Variants in ZNF207 observed in about 807,000 individuals in gnomAD.
ZNF207 encodes the protein zinc finger protein 207, also known as BUB3-interacting and GLEBS motif-containing protein ZNF207.
ZNF207 carries 24 observed loss-of-function variants against 60.2 expected under a neutral mutation model. The ratio of observed to expected loss-of-function variants is 0.40; its 90% CI spans 0.29 to 0.56. The LOEUF is 0.56. ZNF207 is among the 20% of genes least tolerant of loss of function. The pLI, the probability that ZNF207 is intolerant of heterozygous loss-of-function variation, is 0.49. For synonymous variants in ZNF207, 236 were observed against 194.7 expected, an observed-to-expected ratio of 1.21 and a Z score of -1.77; for missense variants, 452 against 636.6, an observed-to-expected ratio of 0.71 and a Z score of 3.12.
chr17:32,354,220 A>AT (rs1470675887), intron 2 of ZNF207, among the ~76,000 whole-genome samples: 1 of 152,102 alleles, frequency 6.6e-6, no homozygotes, highest in African/African-American at 2.4e-5. Flanking sequence ...GGATCAATCG[A>AT]TTCTCCCACT....
rs988134066 is a variant in ZNF207 at position 32,371,790 on chromosome 17, G to A, written c.*2031G>A. 6.6e-6 allele frequency: 1 copy of A among 152,092 alleles called. No homozygotes were observed. The highest frequency in any genetic ancestry group is 2.4e-5 in the African/African-American group (1 of 41,406). 9.4% of individuals were successfully genotyped at this position (152,092 alleles called of 1,614,324 possible). On this transcript the variant is annotated 3_prime_UTR_variant, in exon 12 of 12. Transcript: ENST00000394670. ...AATGATTTTGGCTCCTGTGCTTGTG[G>A]TACCATAGTGGTACAAAAATTTTCA...
chr17:32,367,194 C>T (rs1597789213), intron 9 of ZNF207, among the ~76,000 whole-genome samples: 2 of 137,122 alleles, frequency 1.5e-5, no homozygotes, highest in East Asian at 4.5e-4. Context: ...TAAATTAACT[C>T]CTTTGTCCAT....
chr17:32,363,528 A>ATTTT (rs1192049306), intron 7 of ZNF207, among the ~76,000 whole-genome samples: 2 of 79,018 alleles, frequency 2.5e-5, no homozygotes, highest in African/African-American at 8.9e-5. Context: ...AATCCAACAA[A>ATTTT]CTTTTTTTTT....
intron 3 of ZNF207, among the ~76,000 whole-genome samples, chr17:32,360,194 A>C: frequency 7.2e-6 from 1 of 139,594 alleles, no homozygotes; most frequent in South Asian, 2.6e-4. Context: ...CCCAAAAAAA[A>C]AAAAAAAAAG....
At chr17:32,369,578 G>T in intron 11 of ZNF207, 21 bp from the exon 12 acceptor site, 2 of 1,560,832 alleles carry the variant, frequency 1.3e-6, no homozygotes, top group Non-Finnish European at 1.7e-6. Context: ...ATTTTTTTGT[G>T]TTTGAAATTC....
chr17:32,376,336 A>G lies in ZNF207; in HGVS notation c.*6577A>G, dbSNP rs149759455. ...ATAGATTACGTTTTAAAGTAACATT[A>G]AAAAAATTCTTCAGTAAGATAATTG... On this transcript the variant is annotated 3_prime_UTR_variant, in exon 12 of 12. Coordinates refer to ENST00000394670, the MANE Select transcript of ZNF207 (RefSeq NM_001098507.2). 6.6e-6 allele frequency: 1 copy of G among 152,090 alleles called. No homozygotes were observed. 9.4% of individuals were successfully genotyped at this position (152,090 alleles called of 1,614,324 possible). A position where few individuals can be genotyped will look rare whatever the true frequency, so the allele number is the denominator to read the frequency against.
intron 2 of ZNF207, 71 bp from the exon 3 acceptor site, chr17:32,358,432 T>C: frequency 7.0e-7 from 1 of 1,429,882 alleles, no homozygotes; most frequent in Non-Finnish European, 9.3e-7. Flanking sequence ...TTCTTTATAC[T>C]AAGCAGTCTT....
At chr17:32,357,813 G>GT (rs1222490235) in intron 2 of ZNF207, among the ~76,000 whole-genome samples, 34 of 150,026 alleles carry the variant, frequency 2.3e-4, no homozygotes, top group African/African-American at 5.4e-4. Context: ...TTTTTTTTTT[G>GT]TTTTTTTTGA....
At chr17:32,362,451 C>T (rs1478420083) in intron 6 of ZNF207, among the ~76,000 whole-genome samples, 1 of 152,208 alleles carries the variant, frequency 6.6e-6, no homozygotes, top group Non-Finnish European at 1.5e-5. Context: ...GCATGAGCTG[C>T]TGCACCTAGC....
rs142237451 is a variant in ZNF207, at chr17:32,352,058, C to G, written c.168+146C>G. ...TCTCGGCCCACTGCAACCTCTGCCT[C>G]TCGGGTTCAAGCTATTCTTCTGCCT... is the stretch of plus-strand genomic sequence containing the variant. On this transcript the variant is annotated intron_variant, in intron 2 of 11. Transcript: ENST00000394670. 5.4e-4 allele frequency: 396 copies of G among 729,812 alleles called. 3 individuals carry two copies. The African/African-American group carries it at 6.7e-3, about 12-fold the overall frequency. 45.2% of individuals were successfully genotyped at this position (729,812 alleles called of 1,614,324 possible). A position where few individuals can be genotyped will look rare whatever the true frequency, so the allele number is the denominator to read the frequency against.
chr17:32,361,181 G>A, intron 5 of ZNF207: 1 of 603,522 alleles, frequency 1.7e-6, no homozygotes, highest in South Asian at 2.3e-5. Flanking sequence ...GTATATGTAA[G>A]CAACCATCTA....
At chr17:32,363,849 C>T (rs996239389) in intron 7 of ZNF207, among the ~76,000 whole-genome samples, 42 of 151,718 alleles carry the variant, frequency 2.8e-4, no homozygotes, top group African/African-American at 9.4e-4. Context: ...CTGTATTAAA[C>T]GGTGTAGGCA....
At chr17:32,352,060 C>A in intron 2 of ZNF207, 148 bp downstream of exon 2, 1 of 701,258 alleles carries the variant, frequency 1.4e-6, no homozygotes, top group Non-Finnish European at 2.2e-6. Flanking sequence ...CTCTGCCTCT[C>A]GGGTTCAAGC....
intron 1 of ZNF207, 131 bp downstream of exon 1, chr17:32,350,457 C>G (rs2041480231): frequency 1.6e-6 from 2 of 1,226,308 alleles, no homozygotes; most frequent in South Asian, 1.2e-5. Flanking sequence ...GGCCTGGTGG[C>G]TGGGATTGGA....
chr17:32,351,502 T>A (rs2041506966), intron 1 of ZNF207: 2 of 1,493,348 alleles, frequency 1.3e-6, no homozygotes, highest in Non-Finnish European at 8.9e-7. Flanking sequence ...ATAACAAAAG[T>A]TTCACCGACA....
intron 6 of ZNF207, among the ~76,000 whole-genome samples, chr17:32,361,731 A>G (rs1904891242): frequency 6.6e-6 from 1 of 152,236 alleles, no homozygotes; most frequent in Non-Finnish European, 1.5e-5. Context: ...TCAAATGTGC[A>G]GTGATTTTCT....
At position 32,369,858 on chromosome 17, in the gene ZNF207, T is replaced by C; in HGVS notation, c.*99T>C. On this transcript the variant is annotated 3_prime_UTR_variant, in exon 12 of 12. Coordinates refer to ENST00000394670, the MANE Select transcript of ZNF207 (RefSeq NM_001098507.2). ...TCCGTCAATAAGGCTTCATTGTGAC[T>C]TTAACAAACATTATCTTCCCACATA... is the stretch of plus-strand genomic sequence containing the variant. The C allele has an allele frequency of 8.1e-7, 1 of 1,240,048 alleles. No homozygotes were observed. Among genetic ancestry groups the C allele is most frequent in the Non-Finnish European group, 1.0e-6 (1 of 955,452 alleles). The allele number at this position is 1,240,048 out of a possible 1,614,324, so 76.8% of individuals were successfully genotyped here. A position where few individuals can be genotyped will look rare whatever the true frequency, so the allele number is the denominator to read the frequency against.
chr17:32,364,801 G>T (rs1046400915), intron 7 of ZNF207, among the ~76,000 whole-genome samples: 1 of 152,192 alleles, frequency 6.6e-6, no homozygotes, highest in Non-Finnish European at 1.5e-5. Context: ...ACATTATGTT[G>T]TGGTACATAT....
intron 3 of ZNF207, 43 bp downstream of exon 3, chr17:32,358,684 TA>T: frequency 1.5e-6 from 2 of 1,342,908 alleles, no homozygotes; most frequent in Non-Finnish European, 9.6e-7. Context: ...TTATTTTTTT[TA>T]ATTTTTTTTT....
Sources: gnomAD v4.1 joint callset for allele counts (sites outside exome capture counted in the v4.1 genomes callset) on GRCh38, gnomAD v4.1.1 for gene constraint, MANE v1.5 for transcripts, NCBI Gene and HGNC (gene_info 2026-07-23, HGNC 2026-07-21) for gene names.